The following DHCR24 variants were observed in gnomAD, a reference collection of about 807,000 sequenced individuals.
The protein encoded by DHCR24 is 24-dehydrocholesterol reductase.
In DHCR24, 28 loss-of-function variants were observed where a neutral mutation model predicts 61.2. The ratio of observed to expected loss-of-function variants is 0.46; its 90% confidence interval spans 0.34 to 0.63. The LOEUF (loss-of-function observed/expected upper bound fraction) is 0.63, where lower values mean the gene tolerates loss of function less well. Ranked by LOEUF, DHCR24 falls within the 20% of genes least tolerant of loss-of-function variation. The pLI, the probability that DHCR24 is intolerant of heterozygous loss-of-function variation, is 0.01. For missense variants in DHCR24, 538 were observed against 679.1 expected (o/e 0.79, Z 2.31); for synonymous variants, 261 against 275.9 (o/e 0.95, Z 0.54).
chr1:54,860,299 C>T (rs1282994075), intron 6 of DHCR24, among the ~76,000 whole-genome samples: 1 of 152,216 alleles, frequency 6.6e-6, no homozygotes, highest in African/African-American at 2.4e-5. Flanking sequence ...GCCACTGCCC[C>T]ACCGCCTTTC....
intron 5 of DHCR24, among the ~76,000 whole-genome samples, chr1:54,868,094 A>G (rs1033288654): frequency 6.6e-6 from 1 of 152,204 alleles, no homozygotes; most frequent in Non-Finnish European, 1.5e-5. Context: ...TCACAACTTT[A>G]AAATGTTTTA....
In DHCR24 at chr1:54,852,025, C is replaced by T; in HGVS notation, c.*208G>A. 1.6e-6 allele frequency: 1 copy of T among 620,790 alleles called. No individual in the cohort carries two copies. Among genetic ancestry groups the T allele is most frequent in the Non-Finnish European group, 2.8e-6 (1 of 356,122 alleles). 38.5% of individuals were successfully genotyped at this position (620,790 alleles called of 1,614,324 possible). A position where few individuals can be genotyped will look rare whatever the true frequency, so the allele number is the denominator to read the frequency against. On this transcript the variant is annotated 3_prime_UTR_variant, in exon 9 of 9. Coordinates refer to ENST00000371269, the MANE Select transcript of DHCR24 (RefSeq NM_014762.4). ...TGAGTTCTAAACGGGGAACTGGACTCAGGCTTGTCTGACTCCAAATCCCAC... is the reference window on the plus strand; with the variant it reads ...TGAGTTCTAAACGGGGAACTGGACTTAGGCTTGTCTGACTCCAAATCCCAC...
intron 6 of DHCR24, among the ~76,000 whole-genome samples, chr1:54,863,859 ACAAATGAC>A (rs2101564261): frequency 6.6e-6 from 1 of 152,342 alleles, no homozygotes; most frequent in South Asian, 2.1e-4. Flanking sequence ...AACAACAAAG[ACAAATGAC>A]CAAATTTTAA....
At chr1:54,874,026 G>A (rs192844433) in intron 4 of DHCR24, among the ~76,000 whole-genome samples, 88 of 152,234 alleles carry the variant, frequency 5.8e-4, no homozygotes, top group African/African-American at 2.1e-3. Context: ...TATAGAATAA[G>A]GATATAAAGA....
intron 5 of DHCR24, among the ~76,000 whole-genome samples, chr1:54,869,532 T>C (rs968985987): frequency 1.3e-5 from 2 of 152,090 alleles, no homozygotes; most frequent in Non-Finnish European, 2.9e-5. Context: ...AGGCCAATTA[T>C]TTACATGCAA....
At chr1:54,886,829 C>A in intron 1 of DHCR24, 60 bp downstream of exon 1, 6 of 1,585,354 alleles carry the variant, frequency 3.8e-6, no homozygotes, top group African/African-American at 1.3e-5. Context: ...CCTCGCGTCC[C>A]GCTATCCCCG....
Position 54,879,352 on chromosome 1 carries a change from A to AAAAAAG in DHCR24, c.388-3306_388-3305insCTTTTT, listed in dbSNP as rs573285056. Among the ~76,000 whole-genome samples, 224 of 128,206 alleles carry AAAAAAG rather than the reference A, an allele frequency of 1.7e-3. 7 individuals carry two copies. The highest frequency in any genetic ancestry group is 0.011 in the East Asian group (48 of 4,452). 84.1% of individuals were successfully genotyped at this position (128,206 alleles called of 152,430 possible). A position where few individuals can be genotyped will look rare whatever the true frequency, so the allele number is the denominator to read the frequency against. ...AAAAAAAAAAAAAAAAAAAAAAAAAATCCAAATCAAACTTCTGGAAATGAA... is the reference window on the plus strand; with the variant it reads ...AAAAAAAAAAAAAAAAAAAAAAAAAAAAAAAGTCCAAATCAAACTTCTGGAAATGAA... On this transcript the variant is annotated intron_variant, in intron 2 of 8. Transcript: ENST00000371269.
At chr1:54,862,662 C>G (rs1006190267) in intron 6 of DHCR24, among the ~76,000 whole-genome samples, 9 of 152,286 alleles carry the variant, frequency 5.9e-5, no homozygotes, top group African/African-American at 2.2e-4. Context: ...GTATATAGGG[C>G]TCCAACCTCC....
intron 1 of DHCR24, 34 bp downstream of exon 1, chr1:54,886,855 G>A: frequency 6.2e-7 from 1 of 1,606,008 alleles, no homozygotes; most frequent in Non-Finnish European, 8.5e-7. Flanking sequence ...GCCGCCTCCG[G>A]CCCTGAGTCC....
At chr1:54,860,063 C>T (rs1414511971) in intron 6 of DHCR24, among the ~76,000 whole-genome samples, 2 of 152,132 alleles carry the variant, frequency 1.3e-5, no homozygotes, top group Non-Finnish European at 2.9e-5. Context: ...ATGATGAGAC[C>T]CTCACCCCTA....
At chr1:54,879,193 T>C (rs1647051142) in intron 2 of DHCR24, among the ~76,000 whole-genome samples, 1 of 151,636 alleles carries the variant, frequency 6.6e-6, no homozygotes, top group South Asian at 2.1e-4. Context: ...GTGGTGCGCA[T>C]CTGTAATCCC....
Position 54,871,582 on chromosome 1 carries a change from G to C in DHCR24, c.644C>G (p.Pro215Arg). The C allele has an allele frequency of 6.2e-7, 1 of 1,614,170 alleles. No homozygotes were observed. The highest frequency in any genetic ancestry group is 8.5e-7 in the Non-Finnish European group (1 of 1,180,022). Residue 215 changes from proline to arginine, a missense_variant, in exon 5 of 9, where the codon CCC becomes CGC. By Grantham distance (103) the Pro-to-Arg change is moderately radical (BLOSUM62 -2). Transcript: ENST00000371269. ...SENSDLFYAV[P>R]WSCGTLGFLV... ...GAAACCCAGCGTCCCACAGGACCAGGGTACGGCATAGAACAGGTCTGAGTT... is the reference window on the plus strand; with the variant it reads ...GAAACCCAGCGTCCCACAGGACCAGCGTACGGCATAGAACAGGTCTGAGTT...
At chr1:54,878,087 T>C (rs952429494) in intron 2 of DHCR24, among the ~76,000 whole-genome samples, 1 of 145,966 alleles carries the variant, frequency 6.9e-6, no homozygotes, top group African/African-American at 2.5e-5. Context: ...GAGGAGAGAG[T>C]TGCACAGAGA....
At chr1:54,885,926 C>T (rs1647092267) in intron 1 of DHCR24, among the ~76,000 whole-genome samples, 1 of 152,164 alleles carries the variant, frequency 6.6e-6, no homozygotes, top group African/African-American at 2.4e-5. Context: ...AGCTACAGGG[C>T]AAAGCACTTC....
chr1:54,879,881 A>G (rs763824676), intron 2 of DHCR24, among the ~76,000 whole-genome samples: 1 of 152,206 alleles, frequency 6.6e-6, no homozygotes, highest in Non-Finnish European at 1.5e-5. Flanking sequence ...TTATAGCACT[A>G]AACATTTATA....
intron 8 of DHCR24, 138 bp downstream of exon 8, chr1:54,853,296 G>T (rs912475374): frequency 2.7e-6 from 3 of 1,121,884 alleles, no homozygotes; most frequent in African/African-American, 3.1e-5. Context: ...CCCAGAGGCT[G>T]CCACAGCTGC....
intron 5 of DHCR24, among the ~76,000 whole-genome samples, chr1:54,867,581 C>G (rs996917517): frequency 2.0e-5 from 3 of 152,260 alleles, no homozygotes; most frequent in African/African-American, 7.2e-5. Context: ...AAATCATAAT[C>G]TTAGGGAGCA....
intron 6 of DHCR24, among the ~76,000 whole-genome samples, chr1:54,861,287 A>C (rs1646936978): frequency 6.6e-6 from 1 of 152,176 alleles, no homozygotes. Context: ...GGCTGTTTCC[A>C]TGTGGCAGAT....
At position 54,883,502 on chromosome 1, in the gene DHCR24, G is replaced by A; in HGVS notation, c.387+116C>T. The A allele has an allele frequency of 4.0e-6, 5 of 1,261,250 alleles. No individual in the cohort carries two copies. The highest frequency in any genetic ancestry group is 5.8e-6 in the Non-Finnish European group (5 of 863,758). The allele number at this position is 1,261,250 out of a possible 1,614,324, so 78.1% of individuals were successfully genotyped here. On this transcript the variant is annotated intron_variant, in intron 2 of 8. Coordinates refer to ENST00000371269, the MANE Select transcript of DHCR24 (RefSeq NM_014762.4). This position sits in a 1 kb window ranked among gnomAD's most constrained non-coding sequence, Gnocchi z 4.3. ...GCAGGGAGTATCTTCTATGACTGTGGGCATTGGTCCTGTCCACTCTGCAAT... is the reference window on the plus strand; with the variant it reads ...GCAGGGAGTATCTTCTATGACTGTGAGCATTGGTCCTGTCCACTCTGCAAT...
Sources: allele counts gnomAD v4.1 joint callset (sites outside exome capture counted in the v4.1 genomes callset), GRCh38; gene constraint gnomAD v4.1.1; non-coding constraint Gnocchi (gnomAD v3.1); transcripts MANE v1.5; gene names NCBI Gene and HGNC (gene_info 2026-07-23, HGNC 2026-07-21).